SLC6A11: variants seen among roughly 807,000 people sequenced by gnomAD.
The protein encoded by SLC6A11 is sodium- and chloride-dependent GABA transporter 3.
A neutral mutation model predicts 74.8 loss-of-function variants in SLC6A11; 25 were observed. The observed-to-expected ratio is 0.33, with a 90% CI of 0.24 to 0.47. The LOEUF (loss-of-function observed/expected upper bound fraction) is 0.47. Ranked by LOEUF, SLC6A11 falls within the 20% of genes least tolerant of loss-of-function variation. The pLI, the probability that SLC6A11 is intolerant of heterozygous loss-of-function variation, is 1.00. For missense variants in SLC6A11, 574 were observed against 837.0 expected, an observed-to-expected ratio of 0.69 and a Z score of 3.88; for synonymous variants, 330 against 330.2, an observed-to-expected ratio of 1.00 and a Z score of 0.01.
chr3:10,904,825 G>A (rs925489929), intron 6 of SLC6A11, among the ~76,000 whole-genome samples: 1 of 152,132 alleles, frequency 6.6e-6, no homozygotes, highest in African/African-American at 2.4e-5. Context: ...GTTCAAACCC[G>A]ACTCTCTCCC....
rs556090255 is a variant in SLC6A11, at chr3:10,840,407, G to A, written c.624-3807G>A. On this transcript the variant is annotated intron_variant, in intron 4 of 13. Transcript: ENST00000254488. ...TGCACAAGGGTCTCCTGCTATGCCT[G>A]GGAGCTTCCCCCACCTTTCTCTGTG... 3.9e-5 allele frequency among the ~76,000 whole-genome samples: 6 copies of A among 152,236 alleles called. No individual in the cohort carries two copies. In the South Asian group the frequency reaches 1.2e-3, roughly 32 times the overall value.
chr3:10,833,166 A>G (rs1034130982), intron 4 of SLC6A11, among the ~76,000 whole-genome samples: 1 of 152,130 alleles, frequency 6.6e-6, no homozygotes, highest in African/African-American at 2.4e-5. Context: ...GGTTCAACCA[A>G]TTCTCCCACC....
chr3:10,897,656 C>A (rs1210042674), intron 6 of SLC6A11, among the ~76,000 whole-genome samples: 4 of 152,208 alleles, frequency 2.6e-5, no homozygotes, highest in African/African-American at 9.7e-5. Context: ...CAGGGTACAG[C>A]CTCCCTCCTG....
At chr3:10,822,434 A>G (rs1341309183) in intron 3 of SLC6A11, among the ~76,000 whole-genome samples, 1 of 152,166 alleles carries the variant, frequency 6.6e-6, no homozygotes, top group African/African-American at 2.4e-5. Flanking sequence ...TTACAGTTCT[A>G]TCCACGCTGG....
chr3:10,841,745 G>C (rs893615236), intron 4 of SLC6A11, among the ~76,000 whole-genome samples: 10 of 152,220 alleles, frequency 6.6e-5, no homozygotes, highest in African/African-American at 2.4e-4. Context: ...CCCTAAGTGG[G>C]TTCCAGTTTT....
chr3:10,818,086 A>T (rs73035878), intron 1 of SLC6A11, among the ~76,000 whole-genome samples: 5,845 of 129,364 alleles, frequency 0.045, 196 homozygotes, highest in African/African-American at 0.12. Context: ...TTTTTTTTTT[A>T]AAAAAAAAGG....
At chr3:10,902,851 G>C (rs1695257698) in intron 6 of SLC6A11, among the ~76,000 whole-genome samples, 1 of 152,160 alleles carries the variant, frequency 6.6e-6, no homozygotes, top group Admixed American at 6.5e-5. Flanking sequence ...CCTCACGCTG[G>C]CCAGTGTGTA....
At chr3:10,858,652 G>A (rs1023632606) in intron 5 of SLC6A11, among the ~76,000 whole-genome samples, 1 of 152,210 alleles carries the variant, frequency 6.6e-6, no homozygotes, top group Non-Finnish European at 1.5e-5. Context: ...GGCACACTGA[G>A]GCTTAGCGAG....
chr3:10,885,895 C>T (rs1458874342), intron 6 of SLC6A11, among the ~76,000 whole-genome samples: 1 of 152,208 alleles, frequency 6.6e-6, no homozygotes, highest in East Asian at 1.9e-4. Context: ...CCCAGCCTCA[C>T]AGAGAGCCTC....
intron 5 of SLC6A11, among the ~76,000 whole-genome samples, chr3:10,868,421 C>T (rs1293055027): frequency 6.6e-6 from 1 of 152,190 alleles, no homozygotes; most frequent in Non-Finnish European, 1.5e-5. Context: ...CCCACAATCC[C>T]AGTATTGGGA....
At chr3:10,874,254 C>G (rs977358334) in intron 5 of SLC6A11, among the ~76,000 whole-genome samples, 1 of 152,186 alleles carries the variant, frequency 6.6e-6, no homozygotes. Flanking sequence ...ACTTCTTTTT[C>G]AGCTCTATGT....
At chr3:10,841,285 A>G (rs983451905) in intron 4 of SLC6A11, among the ~76,000 whole-genome samples, 21 of 152,000 alleles carry the variant, frequency 1.4e-4, no homozygotes, top group Admixed American at 9.2e-4. Flanking sequence ...CCAGCATTTC[A>G]TGGGGGAGGC....
intron 7 of SLC6A11, among the ~76,000 whole-genome samples, chr3:10,916,076 G>C (rs1283839641): frequency 1.3e-5 from 2 of 152,276 alleles, no homozygotes; most frequent in East Asian, 3.9e-4. Flanking sequence ...TGTAGACAAA[G>C]GCTTTCCTCC....
chr3:10,876,291 G>T (rs1694906431), intron 6 of SLC6A11, among the ~76,000 whole-genome samples: 1 of 152,210 alleles, frequency 6.6e-6, no homozygotes, highest in Non-Finnish European at 1.5e-5. Flanking sequence ...ATTCTGAATT[G>T]CAGGCAGAAT....
chr3:10,823,277 A>C, intron 3 of SLC6A11, 25 bp from the exon 4 acceptor site: 1 of 1,543,680 alleles, frequency 6.5e-7, no homozygotes, highest in Non-Finnish European at 9.0e-7. Context: ...ATTTTCTTCT[A>C]TTTCTTGTCT....
intron 13 of SLC6A11, among the ~76,000 whole-genome samples, chr3:10,935,563 A>G (rs1034782750): frequency 3.3e-5 from 5 of 152,158 alleles, no homozygotes; most frequent in African/African-American, 4.8e-5. Flanking sequence ...GTGAATCCCA[A>G]TCATTCTGAC....
At chr3:10,878,683 G>A (rs979928051) in intron 6 of SLC6A11, among the ~76,000 whole-genome samples, 2 of 151,776 alleles carry the variant, frequency 1.3e-5, no homozygotes, top group African/African-American at 4.8e-5. Flanking sequence ...AAAGTGCTGG[G>A]ATTACAGGCG....
At chr3:10,870,552 A>T (rs898618671) in intron 5 of SLC6A11, among the ~76,000 whole-genome samples, 1 of 152,234 alleles carries the variant, frequency 6.6e-6, no homozygotes, top group African/African-American at 2.4e-5. Context: ...TCTCTTGATG[A>T]CAAGAATCTG....
chr3:10,924,261 A>G (rs990277208), intron 8 of SLC6A11, among the ~76,000 whole-genome samples: 1 of 152,222 alleles, frequency 6.6e-6, no homozygotes, highest in African/African-American at 2.4e-5. Flanking sequence ...TCAGAAACAA[A>G]GCAAGGATGT....
Sources: gnomAD v4.1 joint callset for allele counts (sites outside exome capture counted in the v4.1 genomes callset) on GRCh38, gnomAD v4.1.1 for gene constraint, MANE v1.5 for transcripts, NCBI Gene and HGNC (gene_info 2026-07-23, HGNC 2026-07-21) for gene names.